The following GRIP1 variants were observed in gnomAD, a reference collection of about 807,000 sequenced individuals.
GRIP1 encodes the protein glutamate receptor-interacting protein 1.
A neutral mutation model predicts 129.9 loss-of-function variants in GRIP1; 45 were observed. That is an observed-to-expected ratio of 0.35 (90% CI 0.27 to 0.44). The LOEUF is 0.44. GRIP1 is among the 20% of genes least tolerant of loss of function. The probability of loss-of-function intolerance (pLI) is 1.00; values close to 1 mark genes in which losing one functional copy is unlikely to be tolerated. For synonymous variants in GRIP1, 530 were observed against 520.8 expected (o/e 1.02, Z -0.24); for missense variants, 1,196 against 1,396.8 (o/e 0.86, Z 2.29).
At chr12:66,768,540 A>C (rs756422946) in intron 1 of GRIP1, among the ~76,000 whole-genome samples, 24 of 152,182 alleles carry the variant, frequency 1.6e-4, no homozygotes, top group Admixed American at 4.6e-4. Flanking sequence ...GCTCACCAGC[A>C]GGCTGAAGGA....
chr12:66,655,227 T>C (rs1006508970), intron 1 of GRIP1, among the ~76,000 whole-genome samples: 4 of 152,254 alleles, frequency 2.6e-5, no homozygotes, highest in Non-Finnish European at 5.9e-5. Flanking sequence ...TTTTATGCTT[T>C]TCCCACATTT....
intron 15 of GRIP1, among the ~76,000 whole-genome samples, chr12:66,409,233 G>A (rs1022462521): frequency 1.3e-5 from 2 of 152,188 alleles, no homozygotes; most frequent in East Asian, 1.9e-4. Flanking sequence ...CTAGTACCAC[G>A]TTGGCTTCAG....
At chr12:66,863,482 T>C (rs894087465) in intron 1 of GRIP1, among the ~76,000 whole-genome samples, 1 of 152,110 alleles carries the variant, frequency 6.6e-6, no homozygotes, top group African/African-American at 2.4e-5. Flanking sequence ...GTATTTCTGA[T>C]AAGATGACAT....
In GRIP1 at chr12:66,515,741, T is replaced by A; in HGVS notation, c.602A>T (p.Asp201Val). Residue 201 changes from aspartate (D) to valine (V), a missense_variant, in exon 7 of 25, where the codon GAC becomes GTC. By Grantham distance (152) the Asp-to-Val change is radical. Around this residue, in one of 5 missense-constraint regions of GRIP1, gnomAD observed 16 missense variants for 43.6 expected, o/e 0.37. Transcript: ENST00000359742. ...ADREGTIKPGDRLLSVDGIRL... is the reference protein window; with the variant it reads ...ADREGTIKPGVRLLSVDGIRL... ...AATTCCATCCACACTGAGCAACCTG[T>A]CACCGGGTTTGATCGTGCCCTCTCT... The A allele has an allele frequency of 6.2e-7, 1 of 1,613,706 alleles. No individual in the cohort carries two copies. The highest frequency in any genetic ancestry group is 8.5e-7 in the Non-Finnish European group (1 of 1,179,670).
chr12:66,895,652 CA>C (rs2040735211), intron 1 of GRIP1, among the ~76,000 whole-genome samples: 1 of 152,130 alleles, frequency 6.6e-6, no homozygotes, highest in Admixed American at 6.5e-5. Flanking sequence ...ATTTGATTAG[CA>C]ACCACTGCCT....
intron 7 of GRIP1, among the ~76,000 whole-genome samples, chr12:66,502,502 T>C (rs979403065): frequency 2.0e-5 from 3 of 152,192 alleles, no homozygotes; most frequent in African/African-American, 4.8e-5. Context: ...CCAAATCTCA[T>C]GTTGAAATGT....
chr12:66,804,019 G>A (rs540176189), intron 1 of GRIP1: 1 of 429,328 alleles, frequency 2.3e-6, no homozygotes, highest in Non-Finnish European at 4.7e-6. Context: ...CCCAGCATGC[G>A]AGAAGGAACC....
intron 16 of GRIP1, among the ~76,000 whole-genome samples, chr12:66,401,060 T>C (rs930832918): frequency 1.3e-5 from 2 of 152,178 alleles, no homozygotes; most frequent in Admixed American, 6.5e-5. Context: ...ATTCCTTCAG[T>C]AATGGAAGAC....
chr12:66,574,099 G>A (rs17181501), intron 2 of GRIP1, among the ~76,000 whole-genome samples: 37,386 of 152,042 alleles, frequency 0.25, 4,733 homozygotes, highest in Admixed American at 0.28. Flanking sequence ...TTCTTGACAC[G>A]TGCAGAAACA....
intron 1 of GRIP1, among the ~76,000 whole-genome samples, chr12:66,790,172 G>T (rs188755683): frequency 1.3e-5 from 2 of 152,264 alleles, no homozygotes; most frequent in African/African-American, 2.4e-5. Flanking sequence ...TTAGGGAAAA[G>T]ATATCAACAA....
At chr12:66,897,868 C>T (rs1232274466) in intron 1 of GRIP1, among the ~76,000 whole-genome samples, 1 of 152,074 alleles carries the variant, frequency 6.6e-6, no homozygotes, top group Non-Finnish European at 1.5e-5. Flanking sequence ...CTTTGTAAAA[C>T]CAAGTAATAA....
chr12:66,768,117 A>G (rs1156344179), intron 1 of GRIP1, among the ~76,000 whole-genome samples: 2 of 152,164 alleles, frequency 1.3e-5, no homozygotes, highest in African/African-American at 4.8e-5. Context: ...TAAATGCTCT[A>G]TTTGGTCTAC....
At chr12:66,570,751 G>T (rs2139498308) in intron 2 of GRIP1, among the ~76,000 whole-genome samples, 1 of 152,208 alleles carries the variant, frequency 6.6e-6, no homozygotes, top group African/African-American at 2.4e-5. Context: ...TTCGAAAAAT[G>T]ATATTTTTGT....
intron 1 of GRIP1, among the ~76,000 whole-genome samples, chr12:66,958,642 T>C (rs1280399271): frequency 6.6e-6 from 1 of 152,224 alleles, no homozygotes; most frequent in Admixed American, 6.5e-5. Flanking sequence ...TGTGAATAAA[T>C]TTAAGATATC....
At chr12:66,375,211 A>C (rs1021810009) in intron 22 of GRIP1, among the ~76,000 whole-genome samples, 5 of 152,206 alleles carry the variant, frequency 3.3e-5, no homozygotes, top group African/African-American at 1.2e-4. Context: ...ATATCTGATA[A>C]GAGAGGTTAA....
chr12:66,637,403 T>C (rs2136064429), intron 1 of GRIP1, among the ~76,000 whole-genome samples: 1 of 152,068 alleles, frequency 6.6e-6, no homozygotes, highest in African/African-American at 2.4e-5. Context: ...TTTTAAAACA[T>C]GTATGTCCAT....
intron 2 of GRIP1, among the ~76,000 whole-genome samples, chr12:66,574,194 C>A (rs1165210035): frequency 6.6e-6 from 1 of 152,156 alleles, no homozygotes; most frequent in African/African-American, 2.4e-5. Context: ...GGGATGCCCC[C>A]CACCCACCCA....
chr12:66,665,931 C>T (rs528676042), intron 1 of GRIP1, among the ~76,000 whole-genome samples: 1 of 152,106 alleles, frequency 6.6e-6, no homozygotes, highest in Non-Finnish European at 1.5e-5. Context: ...GCCAACTTTT[C>T]ATACTGTCAG....
intron 1 of GRIP1, among the ~76,000 whole-genome samples, chr12:66,678,296 A>T (rs2034433042): frequency 2.0e-5 from 3 of 152,176 alleles, no homozygotes; most frequent in Admixed American, 1.3e-4. Flanking sequence ...AACTTCTAGT[A>T]TTACATAGGA....
Sources: allele counts gnomAD v4.1 joint callset (sites outside exome capture counted in the v4.1 genomes callset), GRCh38; gene constraint gnomAD v4.1.1; regional missense constraint gnomAD v4.1.1; transcripts MANE v1.5; gene names NCBI Gene and HGNC (gene_info 2026-07-23, HGNC 2026-07-21).